The following RBM33 variants were observed in gnomAD, a reference collection of about 807,000 sequenced individuals.
RBM33 encodes RNA-binding protein 33.
In RBM33, 28 loss-of-function variants were observed where a neutral mutation model predicts 132.6. That is an observed-to-expected ratio of 0.21 (90% CI 0.16 to 0.29). The LOEUF (loss-of-function observed/expected upper bound fraction) is 0.29. Ranked by LOEUF, RBM33 falls within the 10% of genes least tolerant of loss-of-function variation. The pLI, the probability that RBM33 is intolerant of heterozygous loss-of-function variation, is 1.00. For missense variants in RBM33, 1,291 were observed against 1,518.5 expected, an observed-to-expected ratio of 0.85 and a Z score of 2.49; for synonymous variants, 634 against 593.0, an observed-to-expected ratio of 1.07 and a Z score of -1.01.
intron 6 of RBM33, chr7:155,701,574 C>G (rs1799964494): frequency 1.3e-5 from 2 of 152,288 alleles, no homozygotes; most frequent in South Asian, 4.1e-4. Context: ...AGCAGTGATT[C>G]CAAATTTGAG....
At chr7:155,665,735 CACAA>C (rs778120224) in intron 2 of RBM33, among the ~76,000 whole-genome samples, 1 of 152,178 alleles carries the variant, frequency 6.6e-6, no homozygotes, top group Non-Finnish European at 1.5e-5. Flanking sequence ...TAGGAATACA[CACAA>C]ACACAATTTA....
At chr7:155,678,103 A>G (rs1190436521) in intron 3 of RBM33, among the ~76,000 whole-genome samples, 1 of 152,022 alleles carries the variant, frequency 6.6e-6, no homozygotes, top group Non-Finnish European at 1.5e-5. Flanking sequence ...AGCTGCTAAC[A>G]TTTATTTTCA....
At chr7:155,702,118 C>T (rs1799983106) in intron 6 of RBM33, among the ~76,000 whole-genome samples, 1 of 152,206 alleles carries the variant, frequency 6.6e-6, no homozygotes, top group South Asian at 2.1e-4. Flanking sequence ...CTCTGCCTGC[C>T]ATCTGGTCTT....
rs1045832998 is a variant in RBM33 at position 155,780,979 on chromosome 7, C to G, written c.*5938C>G. The G allele has an allele frequency of 6.5e-6, 1 of 152,814 alleles. No individual in the cohort carries two copies. Among genetic ancestry groups the G allele is most frequent in the African/African-American group, 2.4e-5 (1 of 41,480 alleles). 9.5% of individuals were successfully genotyped at this position (152,814 alleles called of 1,614,324 possible). On this transcript the variant is annotated 3_prime_UTR_variant, in exon 18 of 18. Transcript: ENST00000401878. ...AACCACCCGCTTCTTTGTTTCCCGCCCCTCTGCTTTCGCAGGAGCTCTTGT... is the reference window on the plus strand; with the variant it reads ...AACCACCCGCTTCTTTGTTTCCCGCGCCTCTGCTTTCGCAGGAGCTCTTGT...
chr7:155,687,143 T>C (rs1269624614), intron 5 of RBM33, among the ~76,000 whole-genome samples: 1 of 152,216 alleles, frequency 6.6e-6, no homozygotes, highest in Non-Finnish European at 1.5e-5. Context: ...CAGCACCTGT[T>C]GTTTCTTGAC....
At position 155,773,532 on chromosome 7, in the gene RBM33, C is replaced by T. The variant is rs1225404057; in HGVS notation, c.3376-1027C>T. Among the ~76,000 whole-genome samples, 12 of 131,330 alleles carry T rather than the reference C, an allele frequency of 9.1e-5. No individual in the cohort carries two copies. The Middle Eastern group carries it at 0.016, about 173-fold the overall frequency. 86.2% of individuals were successfully genotyped at this position (131,330 alleles called of 152,430 possible). A position where few individuals can be genotyped will look rare whatever the true frequency, so the allele number is the denominator to read the frequency against. ...GCAGTGAGCTGAGATCCTGCCATTGCACACCAGCCCAGGCAACAGTGCGAG... is the reference window on the plus strand; with the variant it reads ...GCAGTGAGCTGAGATCCTGCCATTGTACACCAGCCCAGGCAACAGTGCGAG... On this transcript the variant is annotated intron_variant, in intron 16 of 17. Coordinates refer to ENST00000401878, the MANE Select transcript of RBM33 (RefSeq NM_053043.3).
At chr7:155,738,631 T>A in intron 11 of RBM33, 4 of 556,838 alleles carry the variant, frequency 7.2e-6, no homozygotes, top group Non-Finnish European at 9.5e-6. Flanking sequence ...TGAAAAATGC[T>A]ACTTATTATA....
chr7:155,645,085 T>C, intron 1 of RBM33, 166 bp downstream of exon 1: 1 of 517,858 alleles, frequency 1.9e-6, no homozygotes, highest in Non-Finnish European at 3.4e-6. Context: ...GCTATTGTCA[T>C]TCTCCCTTTC....
chr7:155,680,709 G>T lies in RBM33; in HGVS notation c.368G>T (p.Gly123Val), dbSNP rs776235574. 6.2e-7 allele frequency: 1 copy of T among 1,613,158 alleles called. No homozygotes were observed. Among genetic ancestry groups the T allele is most frequent in the Non-Finnish European group, 8.5e-7 (1 of 1,179,550 alleles). ...EQESEYEQEQ[G>V]EDELVYHKSD... ...GAATCTGAGTATGAACAAGAACAAGGAGAGGATGAACTGGTTTATCACAAA... is the reference window on the plus strand; with the variant it reads ...GAATCTGAGTATGAACAAGAACAAGTAGAGGATGAACTGGTTTATCACAAA... The change falls in exon 5 of 18, where the codon GGA becomes GTA. Residue 123 changes from glycine to valine, a missense_variant. Gly to Val is a moderately radical substitution (Grantham distance 109). Transcript: ENST00000401878.
Position 155,763,120 on chromosome 7 carries a change from A to C in RBM33, c.2980-692A>C, listed in dbSNP as rs182535190. Among the ~76,000 whole-genome samples the C allele has an allele frequency of 9.8e-5, 15 of 152,334 alleles. 1 individual carries two copies. Among genetic ancestry groups the C allele is most frequent in the Non-Finnish European group, 1.6e-4 (11 of 68,032 alleles). Reference sequence around the variant, plus strand: ...TAAAACACAAAAGATAAGATTCCTGATATTTCTAAGGTTCTTCGTAGAGTA... The same window carrying C: ...TAAAACACAAAAGATAAGATTCCTGCTATTTCTAAGGTTCTTCGTAGAGTA... On this transcript the variant is annotated intron_variant, in intron 14 of 17. Coordinates refer to ENST00000401878, the MANE Select transcript of RBM33 (RefSeq NM_053043.3).
intron 5 of RBM33, among the ~76,000 whole-genome samples, chr7:155,691,098 G>A (rs945481827): frequency 6.6e-6 from 1 of 152,152 alleles, no homozygotes; most frequent in African/African-American, 2.4e-5. Flanking sequence ...GTCACTTTCA[G>A]GTACACCAAT....
At chr7:155,665,407 C>T (rs542360516) in intron 2 of RBM33, among the ~76,000 whole-genome samples, 154 bp downstream of exon 2, 1 of 152,226 alleles carries the variant, frequency 6.6e-6, no homozygotes, top group Non-Finnish European at 1.5e-5. Flanking sequence ...TGAAGCTTCT[C>T]CATGCAGAAG....
At chr7:155,689,751 A>G (rs1006857950) in intron 5 of RBM33, among the ~76,000 whole-genome samples, 1 of 152,218 alleles carries the variant, frequency 6.6e-6, no homozygotes, top group African/African-American at 2.4e-5. Context: ...AGTCAGGAGC[A>G]GGTTGTTCAG....
chr7:155,752,785 A>C (rs1801726241), intron 14 of RBM33, among the ~76,000 whole-genome samples: 1 of 152,084 alleles, frequency 6.6e-6, no homozygotes, highest in Admixed American at 6.6e-5. Flanking sequence ...CCTCTGGCCC[A>C]CTTATTACTT....
At chr7:155,746,875 T>TA (rs1411832370) in intron 14 of RBM33, among the ~76,000 whole-genome samples, 3 of 152,160 alleles carry the variant, frequency 2.0e-5, no homozygotes, top group African/African-American at 7.2e-5. Flanking sequence ...ATGTATACAG[T>TA]AAAAAAAGAA....
chr7:155,669,456 G>A (rs940101052), intron 2 of RBM33, among the ~76,000 whole-genome samples: 3 of 152,140 alleles, frequency 2.0e-5, no homozygotes, highest in African/African-American at 4.8e-5. Context: ...AGGTTCAAGC[G>A]ATTCTCATGC....
In RBM33 at chr7:155,778,365, A is replaced by C. The variant is rs1802692501; in HGVS notation, c.*3324A>C. 1 of 152,174 alleles carries C rather than the reference A, an allele frequency of 6.6e-6. No homozygotes were observed. 9.4% of individuals were successfully genotyped at this position (152,174 alleles called of 1,614,324 possible). ...GCATCTTGCTCAGTTCTGTGAACAG[A>C]AGGCTTTGTTACTGAAGGAGGTGGA... On this transcript the variant is annotated 3_prime_UTR_variant, in exon 18 of 18. Transcript: ENST00000401878. This position sits in a 1 kb window ranked among gnomAD's most constrained non-coding sequence, Gnocchi z 4.0.
At chr7:155,726,719 A>G (rs908311221) in intron 9 of RBM33, among the ~76,000 whole-genome samples, 1 of 152,230 alleles carries the variant, frequency 6.6e-6, no homozygotes, top group Non-Finnish European at 1.5e-5. Context: ...TAATAAAGAA[A>G]TGATCACATC....
At chr7:155,698,248 T>TA (rs1799855026) in intron 5 of RBM33, among the ~76,000 whole-genome samples, 1 of 152,116 alleles carries the variant, frequency 6.6e-6, no homozygotes, top group African/African-American at 2.4e-5. Flanking sequence ...ACGCCTGTGA[T>TA]CTCAGCTACT....
Sources: gnomAD v4.1 joint callset for allele counts (sites outside exome capture counted in the v4.1 genomes callset) on GRCh38, gnomAD v4.1.1 for gene constraint, Gnocchi (gnomAD v3.1) non-coding constraint, MANE v1.5 for transcripts, NCBI Gene and HGNC (gene_info 2026-07-23, HGNC 2026-07-21) for gene names.